The following PLA2R1 variants were observed in gnomAD, a reference collection of about 807,000 sequenced individuals.
PLA2R1 encodes the protein secretory phospholipase A2 receptor.
In PLA2R1, 158 loss-of-function variants were observed where a neutral mutation model predicts 195.9. That is an observed-to-expected ratio of 0.81 (90% CI 0.71 to 0.92). The LOEUF is 0.92. Ranked by LOEUF, PLA2R1 falls within the 40% of genes least tolerant of loss-of-function variation. The probability of loss-of-function intolerance (pLI) is 0.00; values close to 1 mark genes in which losing one functional copy is unlikely to be tolerated. For missense variants in PLA2R1, 1,626 were observed against 1,764.6 expected, an observed-to-expected ratio of 0.92 and a Z score of 1.41; for synonymous variants, 586 against 598.2, an observed-to-expected ratio of 0.98 and a Z score of 0.30.
intron 1 of PLA2R1, among the ~76,000 whole-genome samples, chr2:160,052,358 C>T (rs1409133002): frequency 6.6e-6 from 1 of 152,220 alleles, no homozygotes; most frequent in Non-Finnish European, 1.5e-5. Context: ...CTCCTCTGTC[C>T]TCCTGCTCTG....
intron 25 of PLA2R1, among the ~76,000 whole-genome samples, chr2:159,948,628 A>C (rs1687537100): frequency 6.7e-6 from 1 of 149,826 alleles, no homozygotes; most frequent in Non-Finnish European, 1.5e-5. Context: ...ATTCCAAGAA[A>C]AGGCAAGTGC....
chr2:159,941,230 G>A lies in PLA2R1; in HGVS notation c.*548C>T, dbSNP rs1186432814. 1.3e-5 allele frequency: 2 copies of A among 152,222 alleles called. No homozygotes were observed. The highest frequency in any genetic ancestry group is 4.8e-5 in the African/African-American group (2 of 41,440). 9.4% of individuals were successfully genotyped at this position (152,222 alleles called of 1,614,324 possible). A position where few individuals can be genotyped will look rare whatever the true frequency, so the allele number is the denominator to read the frequency against. On this transcript the variant is annotated 3_prime_UTR_variant, in exon 30 of 30. Coordinates refer to ENST00000283243, the MANE Select transcript of PLA2R1 (RefSeq NM_007366.5). ...ACCTTAAATATCAGTTGAGAGCCCA[G>A]AACCTGTGACCCTTAAGCACAGAAA... is the stretch of plus-strand genomic sequence containing the variant.
intron 14 of PLA2R1, 68 bp downstream of exon 14, chr2:159,979,762 G>C (rs1360118856): frequency 1.4e-5 from 12 of 849,096 alleles, no homozygotes; most frequent in South Asian, 4.5e-5. Context: ...CTCTTGGTTG[G>C]TTTACCAAGT....
At chr2:160,033,698 A>C (rs1218011316) in intron 3 of PLA2R1, among the ~76,000 whole-genome samples, 1 of 152,240 alleles carries the variant, frequency 6.6e-6, no homozygotes, top group Non-Finnish European at 1.5e-5. Flanking sequence ...CTTGTAAGAC[A>C]CTGGCCGAAG....
chr2:159,979,331 CT>C (rs796311958), intron 14 of PLA2R1, among the ~76,000 whole-genome samples: 5 of 151,486 alleles, frequency 3.3e-5, no homozygotes, highest in South Asian at 2.1e-4. Flanking sequence ...AAAACCAAGA[CT>C]TTTTTTTTCC....
chr2:159,954,386 T>C (rs771769052), intron 23 of PLA2R1, among the ~76,000 whole-genome samples: 5 of 151,896 alleles, frequency 3.3e-5, no homozygotes, highest in Non-Finnish European at 7.4e-5. Context: ...ACTATAATGT[T>C]TAAGTGGTAA....
chr2:159,927,208 A>G (rs961282477), downstream of PLA2R1, among the ~76,000 whole-genome samples: 2 of 152,204 alleles, frequency 1.3e-5, no homozygotes, highest in Admixed American at 6.5e-5. Flanking sequence ...CATGTCACCA[A>G]TTGGAATCTA....
At chr2:160,028,748 C>A (rs2105507036) in intron 5 of PLA2R1, 102 bp downstream of exon 5, 3 of 710,044 alleles carry the variant, frequency 4.2e-6, no homozygotes, top group Admixed American at 2.4e-5. Flanking sequence ...AATGTTTATA[C>A]ACTACTCTCA....
chr2:160,018,989 C>T (rs933759054), intron 8 of PLA2R1, among the ~76,000 whole-genome samples: 1 of 152,204 alleles, frequency 6.6e-6, no homozygotes, highest in Non-Finnish European at 1.5e-5. Flanking sequence ...ATCCCAACAA[C>T]CCCCTAAAAC....
In PLA2R1 at chr2:159,932,656, A is replaced by C. The variant is rs1686635682; in HGVS notation, c.*9122T>G. The C allele has an allele frequency of 6.6e-6, 1 of 152,234 alleles. No individual in the cohort carries two copies. The highest frequency in any genetic ancestry group is 1.5e-5 in the Non-Finnish European group (1 of 68,036). 9.4% of individuals were successfully genotyped at this position (152,234 alleles called of 1,614,324 possible). On this transcript the variant is annotated 3_prime_UTR_variant, in exon 30 of 30. Coordinates refer to ENST00000283243, the MANE Select transcript of PLA2R1 (RefSeq NM_007366.5). ...AGCTCCTACCAAGCTCTGTATACTA[A>C]GAAGGTAAAAAGTAAAGTTTAAATA...
chr2:160,050,911 C>G (rs1166299997), intron 1 of PLA2R1, among the ~76,000 whole-genome samples: 2 of 152,200 alleles, frequency 1.3e-5, no homozygotes, highest in Non-Finnish European at 2.9e-5. Flanking sequence ...ACTTGACCAT[C>G]TGCACCCCTT....
chr2:159,954,254 C>G (rs1367984196), intron 23 of PLA2R1, among the ~76,000 whole-genome samples: 1 of 151,796 alleles, frequency 6.6e-6, no homozygotes, highest in Non-Finnish European at 1.5e-5. Flanking sequence ...GGCACAGGGT[C>G]AGGTACTCAT....
chr2:160,013,572 AATTT>A (rs762399419), intron 9 of PLA2R1, among the ~76,000 whole-genome samples, 197 bp from the exon 10 acceptor site: 10 of 152,162 alleles, frequency 6.6e-5, no homozygotes, highest in Non-Finnish European at 1.3e-4. Context: ...ACATTTATTT[AATTT>A]ATTATCTTAA....
chr2:160,016,164 T>C (rs1692731640), intron 9 of PLA2R1, among the ~76,000 whole-genome samples: 1 of 150,346 alleles, frequency 6.7e-6, no homozygotes, highest in Admixed American at 6.7e-5. Context: ...CTCGGGAGGC[T>C]GAGGCATGCG....
chr2:160,053,070 G>T (rs1695313141), intron 1 of PLA2R1, among the ~76,000 whole-genome samples: 1 of 152,126 alleles, frequency 6.6e-6, no homozygotes, highest in South Asian at 2.1e-4. Flanking sequence ...AATTCTGGAG[G>T]CTGGAAGCGT....
At chr2:159,979,241 T>A (rs1689779421) in intron 14 of PLA2R1, among the ~76,000 whole-genome samples, 1 of 152,130 alleles carries the variant, frequency 6.6e-6, no homozygotes, top group Non-Finnish European at 1.5e-5. Context: ...AATGTGAGAA[T>A]TACCCATTGC....
chr2:160,015,417 C>T (rs2667045), intron 9 of PLA2R1, among the ~76,000 whole-genome samples: 110,315 of 152,136 alleles, frequency 0.73, 40,455 homozygotes, highest in East Asian at 0.87. Context: ...TGGAAATTTC[C>T]TCACAAAGCT....
At chr2:159,943,233 G>T (rs1687188750) in intron 28 of PLA2R1, among the ~76,000 whole-genome samples, 1 of 152,060 alleles carries the variant, frequency 6.6e-6, no homozygotes, top group Non-Finnish European at 1.5e-5. Flanking sequence ...GCCTCCCAAA[G>T]TGCTGGGATT....
At chr2:160,008,453 C>T (rs1692143901) in intron 10 of PLA2R1, among the ~76,000 whole-genome samples, 1 of 152,208 alleles carries the variant, frequency 6.6e-6, no homozygotes, top group African/African-American at 2.4e-5. Flanking sequence ...GCAGAAAGGA[C>T]AGTCTTCTCA....
Sources: allele counts gnomAD v4.1 joint callset (sites outside exome capture counted in the v4.1 genomes callset), GRCh38; gene constraint gnomAD v4.1.1; transcripts MANE v1.5; gene names NCBI Gene and HGNC (gene_info 2026-07-23, HGNC 2026-07-21).